The following ANKRD11 variants were observed in gnomAD, a reference collection of about 807,000 sequenced individuals.
The protein encoded by ANKRD11 is ankyrin repeat domain-containing protein 11.
Under a neutral mutation model 195.7 loss-of-function variants are expected in ANKRD11, and 17 were observed. The observed-to-expected ratio is 0.09, with a 90% CI of 0.06 to 0.13. The LOEUF (loss-of-function observed/expected upper bound fraction) is 0.13, where lower values mean the gene tolerates loss of function less well. ANKRD11 is among the 10% of genes least tolerant of loss of function. The pLI is 1.00. For synonymous variants in ANKRD11, 1,953 were observed against 1,528.1 expected (o/e 1.28, Z -6.49); for missense variants, 3,735 against 3,566.1 (o/e 1.05, Z -1.21).
At chr16:89,290,223 TGG>T (rs1203571615) in intron 6 of ANKRD11, among the ~76,000 whole-genome samples, 1 of 131,260 alleles carries the variant, frequency 7.6e-6, no homozygotes, top group Non-Finnish European at 1.6e-5. Context: ...ACGGCTCCAA[TGG>T]GGGAGGCTCA....
chr16:89,387,898 T>G (rs1431289365), intron 2 of ANKRD11, among the ~76,000 whole-genome samples: 1 of 147,924 alleles, frequency 6.8e-6, no homozygotes, highest in African/African-American at 2.5e-5. Context: ...TCTCCCCAAC[T>G]ACTGGGGAGA....
chr16:89,311,990 C>T (rs946244082), intron 3 of ANKRD11, among the ~76,000 whole-genome samples: 10 of 152,240 alleles, frequency 6.6e-5, no homozygotes, highest in Admixed American at 5.9e-4. Context: ...CCATGCCTCC[C>T]GGGTTCAAGC....
intron 1 of ANKRD11, among the ~76,000 whole-genome samples, chr16:89,489,582 G>T (rs1278185202): frequency 6.6e-6 from 1 of 151,724 alleles, no homozygotes; most frequent in Non-Finnish European, 1.5e-5. Flanking sequence ...ATAATAATAG[G>T]GACGCTGAGA....
intron 2 of ANKRD11, among the ~76,000 whole-genome samples, chr16:89,396,321 G>A (rs1381595119): frequency 6.6e-6 from 1 of 152,090 alleles, no homozygotes; most frequent in African/African-American, 2.4e-5. Flanking sequence ...GCTGACCTGG[G>A]TCACCTCCAG....
rs3102350 is a variant in ANKRD11 at position 89,313,528 on chromosome 16, T to G, written c.87+3405A>C. 1.3e-5 allele frequency: 17 copies of G among 1,289,204 alleles called. No homozygotes were observed. In the East Asian group the frequency reaches 1.7e-4, roughly 13 times the overall value. The allele number at this position is 1,289,204 out of a possible 1,614,324, so 79.9% of individuals were successfully genotyped here. On this transcript the variant is annotated intron_variant, in intron 3 of 12. Transcript: ENST00000301030. The stretch of plus-strand genomic sequence containing the variant: ...GCGGCATCAGGATGCACTGCAGAGT[T>G]GTGGGCTCCATTTCCATCTTCCACG...
In ANKRD11 at chr16:89,281,609, G is replaced by A. The variant is rs1365830258; in HGVS notation, c.4933C>T (p.Leu1645=). 2 of 1,614,212 alleles carry A rather than the reference G, an allele frequency of 1.2e-6. No individual in the cohort carries two copies. The highest frequency in any genetic ancestry group is 2.2e-5 in the East Asian group (1 of 44,878). The change falls in exon 9 of 13, where the codon CTG becomes TTG. Residue 1645 remains leucine (L), a synonymous_variant. Coordinates refer to ENST00000301030, the MANE Select transcript of ANKRD11 (RefSeq NM_013275.6). The surrounding 1 kb of genome is among the most constrained non-coding windows in gnomAD (Gnocchi z 5.5). ...TTTTTGTCTTTAAATGGAGGGTCCAGCCCCGGCGGTTTCTTAGCAGGAATG... is the reference window on the plus strand; with the variant it reads ...TTTTTGTCTTTAAATGGAGGGTCCAACCCCGGCGGTTTCTTAGCAGGAATG... ...LDIPAKKPPG[L]DPPFKDKKLK...
At chr16:89,294,799 G>T (rs1238412502) in intron 4 of ANKRD11, among the ~76,000 whole-genome samples, 1 of 152,214 alleles carries the variant, frequency 6.6e-6, no homozygotes, top group South Asian at 2.1e-4. Flanking sequence ...CCCCAGGCCT[G>T]GGATGACCTG....
intron 1 of ANKRD11, among the ~76,000 whole-genome samples, chr16:89,465,139 T>C (rs1311603508): frequency 6.6e-6 from 1 of 152,204 alleles, no homozygotes; most frequent in Non-Finnish European, 1.5e-5. Flanking sequence ...CCTTCCATGA[T>C]ACAACAGCAG....
chr16:89,367,845 A>G (rs985647047), intron 2 of ANKRD11, among the ~76,000 whole-genome samples: 3 of 152,020 alleles, frequency 2.0e-5, no homozygotes, highest in African/African-American at 7.3e-5. Context: ...CTGTCTCTAC[A>G]AAAAACAAAA....
intron 2 of ANKRD11, chr16:89,343,819 T>G (rs1389035258): frequency 6.6e-6 from 1 of 152,328 alleles, no homozygotes; most frequent in East Asian, 1.9e-4. Flanking sequence ...GCGTCGCCCA[T>G]GTCTGACACA....
intron 2 of ANKRD11, among the ~76,000 whole-genome samples, chr16:89,411,465 G>A (rs2042108605): frequency 6.6e-6 from 1 of 152,186 alleles, no homozygotes; most frequent in Non-Finnish European, 1.5e-5. Context: ...TAGAGCTGGA[G>A]TGCAGTGGTG....
chr16:89,381,825 G>C (rs1366203999), intron 2 of ANKRD11, among the ~76,000 whole-genome samples: 1 of 152,216 alleles, frequency 6.6e-6, no homozygotes, highest in African/African-American at 2.4e-5. Context: ...GGGGGGAAGA[G>C]GTAGAGGTCA....
intron 1 of ANKRD11, among the ~76,000 whole-genome samples, chr16:89,440,298 G>C (rs1233658702): frequency 6.6e-6 from 1 of 152,154 alleles, no homozygotes; most frequent in East Asian, 1.9e-4. Context: ...AGTGGAACTA[G>C]GAAAAGCAGA....
chr16:89,473,928 A>G (rs1245320379), intron 1 of ANKRD11, among the ~76,000 whole-genome samples: 3 of 152,216 alleles, frequency 2.0e-5, no homozygotes, highest in Non-Finnish European at 2.9e-5. Flanking sequence ...TGTCACTCCC[A>G]TGACTACATT....
intron 1 of ANKRD11, among the ~76,000 whole-genome samples, chr16:89,462,176 C>T (rs899731940): frequency 6.6e-6 from 1 of 152,194 alleles, no homozygotes; most frequent in East Asian, 1.9e-4. Context: ...CTGCAACCCC[C>T]CTGCCTGATT....
At chr16:89,290,561 C>T in intron 6 of ANKRD11, 64 bp downstream of exon 6, 1 of 1,580,184 alleles carries the variant, frequency 6.3e-7, no homozygotes, top group Non-Finnish European at 8.6e-7. Context: ...GCTCAGGACT[C>T]CACTGGGGGA....
chr16:89,314,547 C>T (rs368821494), intron 3 of ANKRD11, among the ~76,000 whole-genome samples: 1 of 152,164 alleles, frequency 6.6e-6, no homozygotes, highest in Non-Finnish European at 1.5e-5. Flanking sequence ...CGGCCTTTCT[C>T]GTCTCGTGCT....
chr16:89,349,702 A>G (rs1351926057), intron 2 of ANKRD11, among the ~76,000 whole-genome samples: 1 of 152,174 alleles, frequency 6.6e-6, no homozygotes, highest in Non-Finnish European at 1.5e-5. Flanking sequence ...TGTAGAAGAA[A>G]ACTTGCTCTA....
Position 89,285,543 on chromosome 16 carries a change from G to T in ANKRD11, c.999C>A (p.Asn333Lys), listed in dbSNP as rs2034590207. ...FEKGLKHKAKNPEPQKATAPV... is the reference protein window; with the variant it reads ...FEKGLKHKAKKPEPQKATAPV... ...GGGCCGTGGCCTTCTGTGGCTCTGGGTTCTTGGCCTTGTGCTTGAGGCCTT... is the reference window on the plus strand; with the variant it reads ...GGGCCGTGGCCTTCTGTGGCTCTGGTTTCTTGGCCTTGTGCTTGAGGCCTT... Residue 333 changes from asparagine (N) to lysine (K), a missense_variant, in exon 9 of 13, where the codon AAC becomes AAA. Asn to Lys is a moderately conservative substitution (Grantham distance 94). Coordinates refer to ENST00000301030, the MANE Select transcript of ANKRD11 (RefSeq NM_013275.6). The surrounding 1 kb of genome is among the most constrained non-coding windows in gnomAD (Gnocchi z 5.6). 6.2e-7 allele frequency: 1 copy of T among 1,614,048 alleles called. No homozygotes were observed. The highest frequency in any genetic ancestry group is 1.3e-5 in the African/African-American group (1 of 74,908).
Sources: gnomAD v4.1 joint callset for allele counts (sites outside exome capture counted in the v4.1 genomes callset) on GRCh38, gnomAD v4.1.1 for gene constraint, Gnocchi (gnomAD v3.1) non-coding constraint, MANE v1.5 for transcripts, NCBI Gene and HGNC (gene_info 2026-07-23, HGNC 2026-07-21) for gene names.